GALNT13: variants seen among roughly 807,000 people sequenced by gnomAD.
The protein encoded by GALNT13 is UDP-GalNAc:polypeptide N-acetylgalactosaminyltransferase 13.
A neutral mutation model predicts 64.2 loss-of-function variants in GALNT13; 28 were observed. The ratio of observed to expected loss-of-function variants is 0.44; its 90% confidence interval spans 0.32 to 0.60. The LOEUF is 0.60. Ranked by LOEUF, GALNT13 falls within the 20% of genes least tolerant of loss-of-function variation. The pLI is 0.05. For synonymous variants in GALNT13, 214 were observed against 224.6 expected (o/e 0.95, Z 0.42); for missense variants, 577 against 669.8 (o/e 0.86, Z 1.53).
the GALNT13 span, among the ~76,000 whole-genome samples, chr2:153,745,232 T>C: frequency 6.6e-6 from 1 of 152,008 alleles, no homozygotes; most frequent in Non-Finnish European, 1.5e-5. Context: ...TGATTAACAA[T>C]GAAGAAGCGA....
chr2:153,643,384 C>T, the GALNT13 span, among the ~76,000 whole-genome samples: 1 of 151,246 alleles, frequency 6.6e-6, no homozygotes, highest in Admixed American at 6.6e-5. Context: ...ACATGACAAA[C>T]ATTAAAATAG....
chr2:153,258,216 C>T, the GALNT13 span, among the ~76,000 whole-genome samples: 1,646 of 152,230 alleles, frequency 0.011, 21 homozygotes, highest in Non-Finnish European at 0.013. Flanking sequence ...TATAGTAATA[C>T]TAAAGTTTGT....
intron 9 of GALNT13, among the ~76,000 whole-genome samples, chr2:154,372,312 C>G (rs961128130): frequency 3.4e-5 from 5 of 148,424 alleles, no homozygotes; most frequent in Non-Finnish European, 7.5e-5. Flanking sequence ...CCAAAGAAGT[C>G]AAGACCTCAG....
At chr2:154,180,641 G>A (rs1277812683) in intron 4 of GALNT13, among the ~76,000 whole-genome samples, 3 of 152,056 alleles carry the variant, frequency 2.0e-5, no homozygotes, top group African/African-American at 7.2e-5. Context: ...TAGTTAAAAT[G>A]TTGCTATTCA....
chr2:154,154,952 G>C (rs1406702749), intron 4 of GALNT13, among the ~76,000 whole-genome samples: 1 of 151,622 alleles, frequency 6.6e-6, no homozygotes, highest in Non-Finnish European at 1.5e-5. Flanking sequence ...GTGTGTGTGT[G>C]TGTGTGTGTG....
intron 3 of GALNT13, among the ~76,000 whole-genome samples, chr2:153,945,185 G>T (rs28578622): frequency 0.2 from 30,724 of 152,122 alleles, 4,064 homozygotes; most frequent in Middle Eastern, 0.33. Context: ...CAAGTATACT[G>T]TAAAATTACT....
At chr2:154,436,859 T>G (rs940669365) in intron 11 of GALNT13, 8 of 152,208 alleles carry the variant, frequency 5.3e-5, no homozygotes, top group Non-Finnish European at 8.8e-5. Flanking sequence ...TGTATATTAT[T>G]GAGAAAATGT....
the GALNT13 span, among the ~76,000 whole-genome samples, chr2:153,743,817 T>G: frequency 1.6e-4 from 24 of 152,272 alleles, no homozygotes; most frequent in Non-Finnish European, 2.8e-4. Flanking sequence ...ACTTCCCACC[T>G]CTACAACACT....
the GALNT13 span, among the ~76,000 whole-genome samples, chr2:153,352,171 T>G: frequency 6.6e-6 from 1 of 152,282 alleles, no homozygotes; most frequent in Non-Finnish European, 1.5e-5. Flanking sequence ...ATATAATATC[T>G]CATTACTGTT....
chr2:153,187,378 C>G, the GALNT13 span: 7 of 152,186 alleles, frequency 4.6e-5, no homozygotes, highest in Non-Finnish European at 8.8e-5. Flanking sequence ...CATGGAGAAT[C>G]TTTTCAGTGT....
intron 4 of GALNT13, among the ~76,000 whole-genome samples, chr2:154,220,428 A>G (rs1037377230): frequency 2.0e-5 from 3 of 152,084 alleles, no homozygotes; most frequent in Non-Finnish European, 4.4e-5. Flanking sequence ...CCTGCTTTTC[A>G]GTATATTCAT....
At chr2:154,153,346 G>T (rs559456354) in intron 4 of GALNT13, among the ~76,000 whole-genome samples, 1 of 152,284 alleles carries the variant, frequency 6.6e-6, no homozygotes, top group African/African-American at 2.4e-5. Flanking sequence ...CTACTGGGGG[G>T]TGCCTCCCAG....
intron 4 of GALNT13, among the ~76,000 whole-genome samples, chr2:154,148,955 G>T (rs1052492986): frequency 6.6e-6 from 1 of 152,074 alleles, no homozygotes; most frequent in African/African-American, 2.4e-5. Context: ...GTCAGTTTTG[G>T]CTTTTGTTGC....
chr2:153,324,297 T>A, the GALNT13 span, among the ~76,000 whole-genome samples: 10 of 152,172 alleles, frequency 6.6e-5, no homozygotes, highest in Admixed American at 3.3e-4. Context: ...TCTCTGCTTG[T>A]CTATTATTGG....
chr2:153,876,296 T>C (rs983856050), intron 1 of GALNT13, among the ~76,000 whole-genome samples: 3 of 152,080 alleles, frequency 2.0e-5, no homozygotes, highest in African/African-American at 7.2e-5. Context: ...GATCTGGCAC[T>C]GTCTGCTTTG....
At chr2:153,633,482 C>G in the GALNT13 span, among the ~76,000 whole-genome samples, 8 of 152,092 alleles carry the variant, frequency 5.3e-5, no homozygotes, top group African/African-American at 1.9e-4. Flanking sequence ...AAGAATGTTT[C>G]ATATAGATAG....
the GALNT13 span, among the ~76,000 whole-genome samples, chr2:153,670,236 T>G: frequency 1.3e-5 from 2 of 152,158 alleles, no homozygotes; most frequent in Non-Finnish European, 2.9e-5. Context: ...ACAGAGTGCC[T>G]CCTCAAGTAG....
chr2:153,073,112 G>C, the GALNT13 span, among the ~76,000 whole-genome samples: 1 of 152,014 alleles, frequency 6.6e-6, no homozygotes, highest in South Asian at 2.1e-4. Flanking sequence ...AGTAGGTTAC[G>C]CGCTTTGAAA....
At chr2:153,507,648 CCTT>C in the GALNT13 span, among the ~76,000 whole-genome samples, 2 of 152,108 alleles carry the variant, frequency 1.3e-5, no homozygotes, top group Admixed American at 6.5e-5. Flanking sequence ...TAATAATTGA[CCTT>C]CTGAATTCTT....
Sources: allele counts gnomAD v4.1 joint callset (sites outside exome capture counted in the v4.1 genomes callset), GRCh38; gene constraint gnomAD v4.1.1; transcripts MANE v1.5; gene names NCBI Gene and HGNC (gene_info 2026-07-23, HGNC 2026-07-21).